TDRD1: variants seen among roughly 807,000 people sequenced by gnomAD.
TDRD1 encodes the protein tudor domain-containing protein 1.
A neutral mutation model predicts 140.6 loss-of-function variants in TDRD1; 37 were observed. The ratio of observed to expected loss-of-function variants is 0.26; its 90% CI spans 0.20 to 0.35. TDRD1 has a LOEUF of 0.35. TDRD1 is among the 10% of genes least tolerant of loss of function. The probability of loss-of-function intolerance (pLI) is 1.00; values close to 1 mark genes in which losing one functional copy is unlikely to be tolerated. For missense variants in TDRD1, 1,243 were observed against 1,393.0 expected (o/e 0.89, Z 1.71); for synonymous variants, 506 against 475.7 (o/e 1.06, Z -0.83).
exon 24 of TDRD1, chr10:114,227,922 G>C: frequency 6.2e-7 from 1 of 1,613,640 alleles, no homozygotes; most frequent in Non-Finnish European, 8.5e-7. Flanking sequence ...AAGATGTATA[G>C]GATGAATTGC....
chr10:114,227,948 C>T lies in TDRD1; in HGVS notation c.3442C>T (p.Gln1148Ter). 6.2e-7 allele frequency: 1 copy of T among 1,613,752 alleles called. No homozygotes were observed. Among genetic ancestry groups the T allele is most frequent in the South Asian group, 1.1e-5 (1 of 91,034 alleles). ...GATGAATTGCTGCTGCACAGAGTTA[C>T]AGAAACAAGTAGGTAAAATTTCCTT... Residue 1148 changes from glutamine (Q) to a stop codon, truncating the protein, a stop_gained, in exon 24 of 26, where the codon CAG (glutamine) becomes TAG (stop). Transcript: ENST00000251864. LOFTEE classifies it high-confidence loss of function.
At chr10:114,231,958 AAG>A (rs1474616952) in exon 26 of TDRD1, 1 of 152,310 alleles carries the variant, frequency 6.6e-6, no homozygotes, top group Non-Finnish European at 1.4e-5. Context: ...AAAAAAAAAA[AAG>A]TTGATATGAG....
intron 11 of TDRD1, among the ~76,000 whole-genome samples, chr10:114,208,785 T>TTA (rs1004506541): frequency 3.3e-5 from 5 of 151,830 alleles, no homozygotes; most frequent in African/African-American, 1.2e-4. Flanking sequence ...CAATTTTTTT[T>TTA]TTTTTTTGAG....
intron 3 of TDRD1, among the ~76,000 whole-genome samples, chr10:114,197,089 C>T (rs2034416806): frequency 6.6e-6 from 1 of 151,788 alleles, no homozygotes; most frequent in African/African-American, 2.4e-5. Context: ...TCAGGTGATC[C>T]CACCTGCCTC....
In TDRD1 at chr10:114,187,240, C is replaced by G. The variant is rs148265108; in HGVS notation, c.-6-586C>G. On this transcript the variant is annotated intron_variant, in intron 1 of 25. Coordinates refer to ENST00000251864, the Ensembl canonical transcript of TDRD1. ...GTATAAATTACAATTTGTGGAAGTT[C>G]AGCTGGAGATGATCAAAGCAGAGGC... Among the ~76,000 whole-genome samples the G allele has an allele frequency of 5.3e-3, 806 of 152,184 alleles. 5 individuals are homozygous for G. Among genetic ancestry groups the G allele is most frequent in the Middle Eastern group, 0.031 (9 of 294 alleles).
At chr10:114,187,446 C>T (rs2033624823) in intron 1 of TDRD1, among the ~76,000 whole-genome samples, 1 of 152,156 alleles carries the variant, frequency 6.6e-6, no homozygotes, top group East Asian at 1.9e-4. Flanking sequence ...AGGTGACGAC[C>T]TGATTTAAAC....
At chr10:114,203,519 T>C in exon 8 of TDRD1, 1 of 1,613,208 alleles carries the variant, frequency 6.2e-7, no homozygotes, top group Non-Finnish European at 8.5e-7. Flanking sequence ...AAAAAGACTA[T>C]ATTCCTGTTA....
intron 1 of TDRD1, among the ~76,000 whole-genome samples, chr10:114,181,876 G>A (rs943224991): frequency 1.3e-5 from 2 of 151,450 alleles, no homozygotes; most frequent in East Asian, 1.9e-4. Flanking sequence ...ACCCTTAAAA[G>A]CCTATTCTGT....
In TDRD1 at chr10:114,197,997, C is replaced by T. The variant is rs1036983163; in HGVS notation, c.385-1176C>T. Among the ~76,000 whole-genome samples the T allele has an allele frequency of 4.6e-5, 7 of 152,168 alleles. No individual in the cohort carries two copies. The South Asian group carries it at 8.3e-4, about 18-fold the overall frequency. ...ACTTCCTGTTTCAGCTGGCTTCCTCCGACACTGCTCTGGCTGCTTGTTTGT... is the reference window on the plus strand; with the variant it reads ...ACTTCCTGTTTCAGCTGGCTTCCTCTGACACTGCTCTGGCTGCTTGTTTGT... On this transcript the variant is annotated intron_variant, in intron 3 of 25. Transcript: ENST00000251864.
Position 114,191,006 on chromosome 10 carries a change from A to G in TDRD1, c.371A>G (p.Lys124Arg), listed in dbSNP as rs765807306. ...AGTGCTGAAAGTAATTCACCACCCA[A>G]AGAAGTGAATATTGTAAGTTATTTT... The change falls in exon 3 of 26, where the codon AAA becomes AGA. Residue 124 changes from lysine to arginine, a missense_variant. Physicochemically the swap from Lys to Arg is conservative, Grantham distance 26. Transcript: ENST00000251864. 14 of 1,613,878 alleles carry G rather than the reference A, an allele frequency of 8.7e-6. No homozygotes were observed. In the African/African-American group the frequency reaches 1.9e-4, roughly 22 times the overall value.
chr10:114,204,351 G>T, intron 9 of TDRD1, 135 bp downstream of exon 9: 1 of 984,554 alleles, frequency 1.0e-6, no homozygotes, highest in South Asian at 2.1e-5. Context: ...ACACTCATGG[G>T]CTATCTTGAC....
At chr10:114,225,154 C>A (rs866891517) in intron 21 of TDRD1, among the ~76,000 whole-genome samples, 2 of 152,334 alleles carry the variant, frequency 1.3e-5, no homozygotes, top group Middle Eastern at 3.4e-3. Context: ...TTCATTCTCT[C>A]AGGAGAGGAA....
At chr10:114,198,574 A>G (rs1035753733) in intron 3 of TDRD1, among the ~76,000 whole-genome samples, 5 of 152,152 alleles carry the variant, frequency 3.3e-5, no homozygotes, top group African/African-American at 1.2e-4. Context: ...GGAGTAGAGC[A>G]GTTAATGTTA....
chr10:114,224,734 G>A lies in TDRD1; in HGVS notation c.3008-1315G>A, dbSNP rs1012609985. On this transcript the variant is annotated intron_variant, in intron 21 of 25. Transcript: ENST00000251864. ...ATACTACCCTGTTCTTTCAAGAGTG[G>A]AATGTCATTTCTCCAAGGATATTAC... Among the ~76,000 whole-genome samples, 11 of 152,120 alleles carry A rather than the reference G, an allele frequency of 7.2e-5. No homozygotes were observed. In the South Asian group the frequency reaches 1.7e-3, roughly 23 times the overall value.
intron 18 of TDRD1, 84 bp downstream of exon 18, chr10:114,218,668 T>G (rs1195514780): frequency 3.0e-6 from 3 of 1,010,818 alleles, no homozygotes; most frequent in South Asian, 2.2e-5. Flanking sequence ...ATGTTAACAT[T>G]TCGTGTGAGT....
chr10:114,175,837 TA>T (rs1383928504), upstream of TDRD1, among the ~76,000 whole-genome samples: 2 of 152,196 alleles, frequency 1.3e-5, no homozygotes, highest in Non-Finnish European at 2.9e-5. Context: ...TGAGTGCATT[TA>T]TTTTTTTTAA....
intron 3 of TDRD1, among the ~76,000 whole-genome samples, chr10:114,196,258 C>T (rs2034340373): frequency 6.6e-6 from 1 of 152,136 alleles, no homozygotes; most frequent in African/African-American, 2.4e-5. Context: ...TGTTTTTCTT[C>T]TTTCTGTTTC....
chr10:114,230,168 G>T (rs573916488), intron 25 of TDRD1, among the ~76,000 whole-genome samples: 1 of 152,254 alleles, frequency 6.6e-6, no homozygotes, highest in Non-Finnish European at 1.5e-5. Context: ...TGGTTGGCCT[G>T]TATGTTCTTC....
intron 22 of TDRD1, among the ~76,000 whole-genome samples, chr10:114,226,694 A>C (rs2036458016): frequency 6.6e-6 from 1 of 152,218 alleles, no homozygotes; most frequent in Non-Finnish European, 1.5e-5. Context: ...AAAATACTTA[A>C]AGTAGCTTTT....
Sources: allele counts gnomAD v4.1 joint callset (sites outside exome capture counted in the v4.1 genomes callset), GRCh38; gene constraint gnomAD v4.1.1; transcripts MANE v1.5; gene names NCBI Gene and HGNC (gene_info 2026-07-23, HGNC 2026-07-21).